The following THSD7B variants were observed in gnomAD, a reference collection of about 807,000 sequenced individuals.
THSD7B encodes thrombospondin type-1 domain-containing protein 7B.
In THSD7B, 138 loss-of-function variants were observed where a neutral mutation model predicts 213.6. The ratio of observed to expected loss-of-function variants is 0.65; its 90% CI spans 0.56 to 0.74. THSD7B has a LOEUF of 0.74. Among genes scored for constraint, THSD7B ranks in the 30% least tolerant of loss-of-function variants. The pLI, the probability that THSD7B is intolerant of heterozygous loss-of-function variation, is 0.00. For missense variants in THSD7B, 1,931 were observed against 1,991.5 expected, an observed-to-expected ratio of 0.97 and a Z score of 0.58; for synonymous variants, 742 against 687.0, an observed-to-expected ratio of 1.08 and a Z score of -1.25.
intron 2 of THSD7B, among the ~76,000 whole-genome samples, chr2:136,895,340 G>T (rs965273871): frequency 1.3e-5 from 2 of 151,854 alleles, no homozygotes; most frequent in African/African-American, 2.4e-5. Context: ...TTTATGAAAA[G>T]GTCTTAGGTT....
At chr2:137,591,501 T>G (rs1205541359) in intron 17 of THSD7B, among the ~76,000 whole-genome samples, 5 of 151,960 alleles carry the variant, frequency 3.3e-5, no homozygotes, top group Non-Finnish European at 7.4e-5. Context: ...TTATTTAAGC[T>G]TTTTTACTTA....
chr2:137,113,947 A>G (rs1164329262), intron 4 of THSD7B, among the ~76,000 whole-genome samples: 3 of 152,196 alleles, frequency 2.0e-5, no homozygotes, highest in African/African-American at 7.2e-5. Context: ...CACAAGACTA[A>G]TGATTCTCAG....
At chr2:136,939,005 A>C (rs1558859853) in intron 2 of THSD7B, among the ~76,000 whole-genome samples, 1 of 152,198 alleles carries the variant, frequency 6.6e-6, no homozygotes, top group Non-Finnish European at 1.5e-5. Flanking sequence ...AGGATCTTAC[A>C]TGACTCCTTT....
intron 1 of THSD7B, among the ~76,000 whole-genome samples, chr2:136,875,460 C>T (rs773700260): frequency 3.0e-4 from 45 of 150,402 alleles, no homozygotes; most frequent in Non-Finnish European, 5.6e-4. Context: ...CTGCACTTTC[C>T]GTCAGCTCAG....
In THSD7B at chr2:136,825,565, C is replaced by CT. The variant is rs1321746832; in HGVS notation, c.-35-56571dup. On this transcript the variant is annotated intron_variant, in intron 1 of 27. Transcript: ENST00000409968. ...CTAGCCAGGAGAGATTCCTCTCTTT[C>CT]TTTTTTTTAGACAGAGTCTTGCTCT... is the stretch of plus-strand genomic sequence containing the variant. 2.6e-5 allele frequency among the ~76,000 whole-genome samples: 4 copies of CT among 151,614 alleles called. No individual in the cohort carries two copies. In the East Asian group the frequency reaches 5.8e-4, roughly 22 times the overall value.
chr2:137,385,367 C>A (rs1685871645), intron 12 of THSD7B, among the ~76,000 whole-genome samples: 1 of 152,188 alleles, frequency 6.6e-6, no homozygotes, highest in African/African-American at 2.4e-5. Context: ...CCTGCCCTGG[C>A]CTCCATGCCC....
rs1358361402 is a variant in THSD7B at position 136,882,289 on chromosome 2, A to G, written c.111A>G (p.Lys37=). ...LLSHAAHLEG[K]KDNQFIWKPG... is the part of the protein sequence containing the mutation. ...CCCATGCAGCTCATTTGGAAGGCAA[A>G]AAGGATAATCAGTTCATCTGGAAAC... Residue 37 remains lysine, a synonymous_variant, in exon 2 of 28, where the codon AAA becomes AAG. Coordinates refer to ENST00000409968, the MANE Select transcript of THSD7B (RefSeq NM_001316349.2). The G allele has an allele frequency of 1.9e-6, 3 of 1,542,514 alleles. No homozygotes were observed. Among genetic ancestry groups the G allele is most frequent in the Admixed American group, 2.0e-5 (1 of 49,582 alleles).
At chr2:137,426,782 A>G (rs537724586) in intron 14 of THSD7B, among the ~76,000 whole-genome samples, 1 of 152,180 alleles carries the variant, frequency 6.6e-6, no homozygotes, top group African/African-American at 2.4e-5. Context: ...TACCAGCAAC[A>G]AAAACAAAAA....
chr2:136,899,310 T>G (rs1386290851), intron 2 of THSD7B, among the ~76,000 whole-genome samples: 1 of 152,220 alleles, frequency 6.6e-6, no homozygotes, highest in African/African-American at 2.4e-5. Flanking sequence ...ATTTGTATCG[T>G]GTATTATTAC....
chr2:137,214,233 T>G (rs1469459539), intron 7 of THSD7B, among the ~76,000 whole-genome samples: 1 of 152,178 alleles, frequency 6.6e-6, no homozygotes, highest in Non-Finnish European at 1.5e-5. Context: ...CCTATTTATG[T>G]ACTTATACCT....
At chr2:136,971,634 A>G (rs2104799920) in intron 2 of THSD7B, among the ~76,000 whole-genome samples, 1 of 107,696 alleles carries the variant, frequency 9.3e-6, no homozygotes, top group Non-Finnish European at 1.8e-5. Flanking sequence ...TTTAACAACA[A>G]CAAATACACA....
At chr2:137,127,027 A>G (rs780397095) in intron 5 of THSD7B, among the ~76,000 whole-genome samples, 5 of 152,118 alleles carry the variant, frequency 3.3e-5, no homozygotes, top group Non-Finnish European at 7.4e-5. Flanking sequence ...CAATAATAAC[A>G]TCAAAGATCA....
chr2:137,244,541 G>A (rs969560967), intron 10 of THSD7B, among the ~76,000 whole-genome samples: 4 of 152,098 alleles, frequency 2.6e-5, no homozygotes, highest in South Asian at 2.1e-4. Context: ...TAAAGGAAAC[G>A]GAATCACAGG....
rs1490764514 is a variant in THSD7B at position 137,108,619 on chromosome 2, C to T, written c.1200-6505C>T. Among the ~76,000 whole-genome samples the T allele has an allele frequency of 8.5e-5, 13 of 152,230 alleles. No homozygotes were observed. The East Asian group carries it at 1.9e-3, about 23-fold the overall frequency. On this transcript the variant is annotated intron_variant, in intron 4 of 27. Transcript: ENST00000409968. ...TGTGTCCTGTATCTCTTTATGAGGA[C>T]GTGTATTTCCACAGTTACAGGAGGG... is the stretch of plus-strand genomic sequence containing the variant.
chr2:137,175,519 A>C (rs1680342693), intron 7 of THSD7B, among the ~76,000 whole-genome samples: 1 of 152,140 alleles, frequency 6.6e-6, no homozygotes, highest in Non-Finnish European at 1.5e-5. Flanking sequence ...ATTTTTCTCA[A>C]GCTGTGTATA....
chr2:137,153,817 A>G (rs1460603496), intron 5 of THSD7B, among the ~76,000 whole-genome samples: 1 of 152,160 alleles, frequency 6.6e-6, no homozygotes, highest in Non-Finnish European at 1.5e-5. Flanking sequence ...ATCAAGGGCA[A>G]TATTGTTTCT....
intron 2 of THSD7B, among the ~76,000 whole-genome samples, chr2:137,043,205 T>C (rs1686912925): frequency 6.6e-6 from 1 of 152,232 alleles, no homozygotes; most frequent in Non-Finnish European, 1.5e-5. Flanking sequence ...TTTAACTTAC[T>C]TTGATTATTT....
chr2:137,216,282 C>T (rs1438612681), intron 7 of THSD7B, among the ~76,000 whole-genome samples: 2 of 6,488 alleles, frequency 3.1e-4, no homozygotes, highest in East Asian at 3.8e-3. Context: ...CCGCCCCCCA[C>T]CCCCCTGCAT....
chr2:137,534,018 G>GCA (rs1158544636), intron 15 of THSD7B, among the ~76,000 whole-genome samples: 2,747 of 113,498 alleles, frequency 0.024, 69 homozygotes, highest in African/African-American at 0.068. Flanking sequence ...GTGTGTGCGC[G>GCA]CACACACACA....
Sources: allele counts gnomAD v4.1 joint callset (sites outside exome capture counted in the v4.1 genomes callset), GRCh38; gene constraint gnomAD v4.1.1; transcripts MANE v1.5; gene names NCBI Gene and HGNC (gene_info 2026-07-23, HGNC 2026-07-21).